The following ZNF641 variants were observed in gnomAD, a reference collection of about 807,000 sequenced individuals.
The protein encoded by ZNF641 is zinc finger protein 641.
A neutral mutation model predicts 46.2 loss-of-function variants in ZNF641; 26 were observed. The observed-to-expected ratio is 0.56, with a 90% confidence interval of 0.41 to 0.78. ZNF641 has a LOEUF of 0.78. Ranked by LOEUF, ZNF641 falls within the 30% of genes least tolerant of loss-of-function variation. The pLI, the probability that ZNF641 is intolerant of heterozygous loss-of-function variation, is 0.00. For synonymous variants in ZNF641, 163 were observed against 187.9 expected (o/e 0.87, Z 1.09); for missense variants, 469 against 517.8 (o/e 0.91, Z 0.91).
chr12:48,350,585 C>T (rs1953005290), intron 1 of ZNF641: 1 of 164,078 alleles, frequency 6.1e-6, no homozygotes, highest in South Asian at 1.7e-4. Flanking sequence ...CAGGGCCTGA[C>T]AGTTGCGATG....
Position 48,347,164 on chromosome 12 carries a change from G to A in ZNF641, c.276+88C>T, listed in dbSNP as rs1355278415. Reference sequence around the variant, plus strand: ...ATGAACATACCATTGATGATCATGTGAGCCAACTCATCAATGGGCTGATGC... The same window carrying A: ...ATGAACATACCATTGATGATCATGTAAGCCAACTCATCAATGGGCTGATGC... On this transcript the variant is annotated intron_variant, in intron 3 of 5. Coordinates refer to ENST00000547026, the MANE Select transcript of ZNF641 (RefSeq NM_001172681.2). 3.1e-6 allele frequency: 5 copies of A among 1,604,584 alleles called. No homozygotes were observed. In the East Asian group the frequency reaches 1.1e-4, roughly 36 times the overall value.
chr12:48,346,724 AC>A (rs1437548920), intron 3 of ZNF641, among the ~76,000 whole-genome samples: 1 of 152,038 alleles, frequency 6.6e-6, no homozygotes, highest in East Asian at 1.9e-4. Flanking sequence ...AAAAACCCTA[AC>A]CTTGGCCAGG....
chr12:48,350,325 G>T, intron 1 of ZNF641: 1 of 1,100,552 alleles, frequency 9.1e-7, no homozygotes, highest in Non-Finnish European at 1.2e-6. Context: ...GTCCATCAGA[G>T]AACCCTGGCC....
chr12:48,342,160 G>A lies in ZNF641; in HGVS notation c.*813C>T. The stretch of plus-strand genomic sequence containing the variant: ...CTGTGTGGGCCAGGGCTATTTGGGG[G>A]TATTAGATCATCTCTTAGCCTTGTA... On this transcript the variant is annotated 3_prime_UTR_variant, in exon 6 of 6. Coordinates refer to ENST00000547026, the MANE Select transcript of ZNF641 (RefSeq NM_001172681.2). 1 of 985,462 alleles carries A rather than the reference G, an allele frequency of 1.0e-6. No homozygotes were observed. The highest frequency in any genetic ancestry group is 1.2e-6 in the Non-Finnish European group (1 of 829,982). The allele number at this position is 985,462 out of a possible 1,614,324, so 61.0% of individuals were successfully genotyped here. A position where few individuals can be genotyped will look rare whatever the true frequency, so the allele number is the denominator to read the frequency against.
chr12:48,341,042 G>T lies in ZNF641; in HGVS notation c.*1931C>A. On this transcript the variant is annotated 3_prime_UTR_variant, in exon 6 of 6. Transcript: ENST00000547026. ...GAAGGCTGCTCACAGTAGCAGAAGG[G>T]AGGCAGGGGCCAAGCTGTTCAAGTC... is the stretch of plus-strand genomic sequence containing the variant. 6 of 985,516 alleles carry T rather than the reference G, an allele frequency of 6.1e-6. No homozygotes were observed. Among genetic ancestry groups the T allele is most frequent in the Non-Finnish European group, 7.2e-6 (6 of 829,982 alleles). 61.0% of individuals were successfully genotyped at this position (985,516 alleles called of 1,614,324 possible). A position where few individuals can be genotyped will look rare whatever the true frequency, so the allele number is the denominator to read the frequency against.
At position 48,338,115 on chromosome 12, in the gene ZNF641, G is replaced by C. The variant is rs1329168312; in HGVS notation, c.*4858C>G. 2 of 152,432 alleles carry C rather than the reference G, an allele frequency of 1.3e-5. No homozygotes were observed. The highest frequency in any genetic ancestry group is 4.1e-4 in the South Asian group (2 of 4,824). The allele number at this position is 152,432 out of a possible 1,614,324, so 9.4% of individuals were successfully genotyped here. A position where few individuals can be genotyped will look rare whatever the true frequency, so the allele number is the denominator to read the frequency against. ...AGGATGAGAGTGGTAAGTATGAATTGACCCCTGCTTAGTAGGCTTAAAGCT... is the reference window on the plus strand; with the variant it reads ...AGGATGAGAGTGGTAAGTATGAATTCACCCCTGCTTAGTAGGCTTAAAGCT... On this transcript the variant is annotated 3_prime_UTR_variant, in exon 6 of 6. Transcript: ENST00000547026.
chr12:48,340,868 C>T lies in ZNF641; in HGVS notation c.*2105G>A, dbSNP rs1157363407. 1 of 985,452 alleles carries T rather than the reference C, an allele frequency of 1.0e-6. No individual in the cohort carries two copies. The highest frequency in any genetic ancestry group is 1.2e-6 in the Non-Finnish European group (1 of 829,940). 61.0% of individuals were successfully genotyped at this position (985,452 alleles called of 1,614,324 possible). On this transcript the variant is annotated 3_prime_UTR_variant, in exon 6 of 6. Coordinates refer to ENST00000547026, the MANE Select transcript of ZNF641 (RefSeq NM_001172681.2). The stretch of plus-strand genomic sequence containing the variant: ...TATCACTGAACCCAATACTTTCTTA[C>T]TCCCTGGGGCATCTCCTAATACTGA...
rs1952992047 is a variant in ZNF641 at position 48,350,229 on chromosome 12, A to G, written c.-26+557T>C. 1.6e-5 allele frequency: 24 copies of G among 1,474,282 alleles called. No individual in the cohort carries two copies. In the South Asian group the frequency reaches 2.9e-4, roughly 18 times the overall value. 91.3% of individuals were successfully genotyped at this position (1,474,282 alleles called of 1,614,324 possible). ...TGGGTAGCAAGGGACCTGCAAAAGG[A>G]AGTTTCTGCAGCCAGTGCTGATGAA... On this transcript the variant is annotated intron_variant, in intron 1 of 5. Transcript: ENST00000547026.
In ZNF641 at chr12:48,341,569, G is replaced by C. The variant is rs912620401; in HGVS notation, c.*1404C>G. On this transcript the variant is annotated 3_prime_UTR_variant, in exon 6 of 6. Transcript: ENST00000547026. ...CCATTTTCCCTAAAGTTCTGTTTCTGGGAGAATGAGATCTTCAAGAATAAC... is the reference window on the plus strand; with the variant it reads ...CCATTTTCCCTAAAGTTCTGTTTCTCGGAGAATGAGATCTTCAAGAATAAC... The C allele has an allele frequency of 1.0e-6, 1 of 985,440 alleles. No homozygotes were observed. The highest frequency in any genetic ancestry group is 1.2e-6 in the Non-Finnish European group (1 of 829,922). 61.0% of individuals were successfully genotyped at this position (985,440 alleles called of 1,614,324 possible).
chr12:48,347,218 G>C, intron 3 of ZNF641, 34 bp downstream of exon 3: 1 of 1,613,676 alleles, frequency 6.2e-7, no homozygotes, highest in East Asian at 2.2e-5. Context: ...GCAGTGATGG[G>C]ACCACAGGAG....
Position 48,343,204 on chromosome 12 carries a change from C to T in ZNF641, c.1044G>A (p.Arg348=). ...EVGESPGTRK[R]QRAPPVPKCH... ...ACTTTGGCACTGGTGGGGCACGCTG[C>T]CGTTTCCTTGTGCCAGGGCTCTCTC... The change falls in exon 6 of 6, where the codon CGG becomes CGA. Residue 348 remains arginine (R), a synonymous_variant. Transcript: ENST00000547026. 6.2e-7 allele frequency: 1 copy of T among 1,614,184 alleles called. No homozygotes were observed. The highest frequency in any genetic ancestry group is 1.1e-5 in the South Asian group (1 of 91,090).
rs903090960 is a variant in ZNF641 at position 48,342,101 on chromosome 12, A to T, written c.*872T>A. On this transcript the variant is annotated 3_prime_UTR_variant, in exon 6 of 6. Coordinates refer to ENST00000547026, the MANE Select transcript of ZNF641 (RefSeq NM_001172681.2). Reference sequence around the variant, plus strand: ...GTCAAGAGGAGAGAGGGGACTGTTCAAGGGGATAAAGTTTTTTTTGTTTTT... The same window carrying T: ...GTCAAGAGGAGAGAGGGGACTGTTCTAGGGGATAAAGTTTTTTTTGTTTTT... The T allele has an allele frequency of 1.5e-5, 15 of 985,422 alleles. No individual in the cohort carries two copies. Among genetic ancestry groups the T allele is most frequent in the Non-Finnish European group, 1.8e-5 (15 of 830,040 alleles). 61.0% of individuals were successfully genotyped at this position (985,422 alleles called of 1,614,324 possible). A position where few individuals can be genotyped will look rare whatever the true frequency, so the allele number is the denominator to read the frequency against.
At chr12:48,346,320 C>T (rs1178481225) in intron 3 of ZNF641, among the ~76,000 whole-genome samples, 1 of 152,136 alleles carries the variant, frequency 6.6e-6, no homozygotes, top group Non-Finnish European at 1.5e-5. Context: ...CTTAATCTCT[C>T]CCTGCCCCAT....
Position 48,341,528 on chromosome 12 carries a change from A to C in ZNF641, c.*1445T>G. 8 of 985,454 alleles carry C rather than the reference A, an allele frequency of 8.1e-6. No individual in the cohort carries two copies. The highest frequency in any genetic ancestry group is 9.6e-6 in the Non-Finnish European group (8 of 829,928). 61.0% of individuals were successfully genotyped at this position (985,454 alleles called of 1,614,324 possible). ...AAAGCTTATTACCCTGCAGCAGCTGAAAAGCTAAGCCACAGCCATTTTCCC... is the reference window on the plus strand; with the variant it reads ...AAAGCTTATTACCCTGCAGCAGCTGCAAAGCTAAGCCACAGCCATTTTCCC... On this transcript the variant is annotated 3_prime_UTR_variant, in exon 6 of 6. Transcript: ENST00000547026.
At chr12:48,336,372 G>A (rs1952604568), downstream of ZNF641, among the ~76,000 whole-genome samples, 1 of 152,188 alleles carries the variant, frequency 6.6e-6, no homozygotes, top group African/African-American at 2.4e-5. Flanking sequence ...CTGAGGGGAA[G>A]CGAGAGTGAA....
downstream of ZNF641, among the ~76,000 whole-genome samples, chr12:48,335,135 A>C (rs1025681585): frequency 6.6e-6 from 1 of 152,212 alleles, no homozygotes; most frequent in Non-Finnish European, 1.5e-5. Context: ...ATTATGACAG[A>C]ACCCACAGAA....
rs1952670698 is a variant in ZNF641, at chr12:48,339,417, C to T, written c.*3556G>A. ...CCGAGTTTCTGATTCAGTAGTTCTC[C>T]TGGGGCGGGGGCTAAGAATTTGCAT... On this transcript the variant is annotated 3_prime_UTR_variant, in exon 6 of 6. Coordinates refer to ENST00000547026, the MANE Select transcript of ZNF641 (RefSeq NM_001172681.2). 6.6e-6 allele frequency: 1 copy of T among 152,154 alleles called. No individual in the cohort carries two copies. Among genetic ancestry groups the T allele is most frequent in the Non-Finnish European group, 1.5e-5 (1 of 68,038 alleles). The allele number at this position is 152,154 out of a possible 1,614,324, so 9.4% of individuals were successfully genotyped here. A position where few individuals can be genotyped will look rare whatever the true frequency, so the allele number is the denominator to read the frequency against.
In ZNF641 at chr12:48,341,402, G is replaced by A. The variant is rs528142205; in HGVS notation, c.*1571C>T. ...ACAATTATTGATAAAGAGAAACAAT[G>A]ACCAACTCATTAGCTAACGATGCTA... On this transcript the variant is annotated 3_prime_UTR_variant, in exon 6 of 6. Transcript: ENST00000547026. 2.0e-6 allele frequency: 2 copies of A among 985,430 alleles called. No homozygotes were observed. The highest frequency in any genetic ancestry group is 6.1e-5 in the Admixed American group (1 of 16,290). 61.0% of individuals were successfully genotyped at this position (985,430 alleles called of 1,614,324 possible). A position where few individuals can be genotyped will look rare whatever the true frequency, so the allele number is the denominator to read the frequency against.
chr12:48,346,953 G>A (rs886537245), intron 3 of ZNF641, among the ~76,000 whole-genome samples: 32 of 152,154 alleles, frequency 2.1e-4, no homozygotes, highest in Non-Finnish European at 2.5e-4. Context: ...GGAGGTTGCA[G>A]GGAGCCAAGA....
Sources: allele counts gnomAD v4.1 joint callset (sites outside exome capture counted in the v4.1 genomes callset), GRCh38; gene constraint gnomAD v4.1.1; transcripts MANE v1.5; gene names NCBI Gene and HGNC (gene_info 2026-07-23, HGNC 2026-07-21).